The following PTGER3 variants were observed in gnomAD, a reference collection of about 807,000 sequenced individuals.
PTGER3 encodes prostaglandin E2 receptor EP3 subtype.
A neutral mutation model predicts 34.7 loss-of-function variants in PTGER3; 22 were observed. The observed-to-expected ratio is 0.63, with a 90% confidence interval of 0.45 to 0.91. The LOEUF is 0.91. Ranked by LOEUF, PTGER3 falls within the 40% of genes least tolerant of loss-of-function variation. The pLI is 0.00. For missense variants in PTGER3, 468 were observed against 519.4 expected (o/e 0.90, Z 0.96); for synonymous variants, 241 against 230.1 (o/e 1.05, Z -0.43).
intron 2 of PTGER3, among the ~76,000 whole-genome samples, chr1:70,961,138 T>G (rs1651890580): frequency 6.6e-6 from 1 of 152,154 alleles, no homozygotes; most frequent in South Asian, 2.1e-4. Context: ...ATGAGAAGAA[T>G]CACCTGGAAG....
chr1:71,030,920 AATAAG>A (rs1659356007), intron 1 of PTGER3, among the ~76,000 whole-genome samples: 1 of 152,134 alleles, frequency 6.6e-6, no homozygotes, highest in African/African-American at 2.4e-5. Context: ...TTTATAAACT[AATAAG>A]AGAGAAAAAC....
intron 1 of PTGER3, among the ~76,000 whole-genome samples, chr1:71,034,467 T>G (rs1659657785): frequency 6.6e-6 from 1 of 152,236 alleles, no homozygotes; most frequent in Non-Finnish European, 1.5e-5. Context: ...GGGCAGTCAT[T>G]TTATGTAAAT....
At chr1:70,994,630 G>A (rs1256859357) in intron 2 of PTGER3, among the ~76,000 whole-genome samples, 3 of 151,878 alleles carry the variant, frequency 2.0e-5, no homozygotes, top group Non-Finnish European at 4.4e-5. Context: ...GCTAATTTTT[G>A]TATTTTTAGT....
At chr1:70,905,778 A>C (rs555468606) in intron 4 of PTGER3, among the ~76,000 whole-genome samples, 152 of 152,240 alleles carry the variant, frequency 1.0e-3, no homozygotes, top group Non-Finnish European at 1.6e-3. Context: ...TTTTCAGTTA[A>C]TGCTGAAATG....
intron 2 of PTGER3, among the ~76,000 whole-genome samples, chr1:70,959,146 G>A (rs1399483380): frequency 1.3e-5 from 2 of 152,146 alleles, no homozygotes; most frequent in Non-Finnish European, 2.9e-5. Flanking sequence ...AATTGCTGTG[G>A]CTATCTGGGT....
chr1:71,011,861 G>T, intron 2 of PTGER3: 1 of 1,032,198 alleles, frequency 9.7e-7, no homozygotes, highest in South Asian at 3.9e-5. Context: ...CTTCAATGAT[G>T]TATGTGGTTA....
At chr1:70,864,634 C>T (rs1002703022) in intron 4 of PTGER3, among the ~76,000 whole-genome samples, 3 of 152,170 alleles carry the variant, frequency 2.0e-5, no homozygotes, top group Non-Finnish European at 4.4e-5. Flanking sequence ...ATGAACAAGA[C>T]ATAGTTCCCT....
chr1:71,000,241 T>C (rs570517791), intron 2 of PTGER3, among the ~76,000 whole-genome samples: 2 of 152,218 alleles, frequency 1.3e-5, no homozygotes, highest in Admixed American at 6.5e-5. Flanking sequence ...AACCCCAGCT[T>C]TATTTCTCAT....
At chr1:70,911,698 A>G (rs986801564) in intron 4 of PTGER3, among the ~76,000 whole-genome samples, 1 of 152,178 alleles carries the variant, frequency 6.6e-6, no homozygotes, top group Non-Finnish European at 1.5e-5. Context: ...AGCCAATTCT[A>G]TTAAAAGCTT....
At chr1:70,961,107 T>C (rs931679037) in intron 2 of PTGER3, among the ~76,000 whole-genome samples, 2 of 152,152 alleles carry the variant, frequency 1.3e-5, no homozygotes, top group Non-Finnish European at 2.9e-5. Flanking sequence ...CACTGGACTG[T>C]AACAATGTCA....
At chr1:70,994,420 T>C (rs72671026) in intron 2 of PTGER3, among the ~76,000 whole-genome samples, 10,847 of 152,100 alleles carry the variant, frequency 0.071, 514 homozygotes, top group Non-Finnish European at 0.11. Context: ...AAACATGTAG[T>C]GTATGCTGTA....
At position 70,971,558 on chromosome 1, in the gene PTGER3, A is replaced by G; in HGVS notation, c.*172T>C. 1.6e-6 allele frequency: 2 copies of G among 1,265,630 alleles called. No homozygotes were observed. Among genetic ancestry groups the G allele is most frequent in the South Asian group, 6.5e-5 (2 of 31,006 alleles). 78.4% of individuals were successfully genotyped at this position (1,265,630 alleles called of 1,614,324 possible). The stretch of plus-strand genomic sequence containing the variant: ...CTAATATTCAGAGGCATGGATTATA[A>G]TAATAAAGTTGATCTCCATGGGTAT... On this transcript the variant is annotated 3_prime_UTR_variant, in exon 4 of 4. Transcript: ENST00000306666.
At chr1:70,897,621 G>A (rs1646748982) in intron 4 of PTGER3, among the ~76,000 whole-genome samples, 2 of 152,084 alleles carry the variant, frequency 1.3e-5, no homozygotes, top group African/African-American at 2.4e-5. Context: ...CATAAGACAT[G>A]TCTCCCCTTC....
chr1:70,895,101 A>T (rs1367545102), intron 4 of PTGER3, among the ~76,000 whole-genome samples: 1 of 152,254 alleles, frequency 6.6e-6, no homozygotes, highest in African/African-American at 2.4e-5. Flanking sequence ...ACATCTCAAT[A>T]CTGAGTTCCC....
chr1:70,944,198 G>C (rs183726044), intron 4 of PTGER3, among the ~76,000 whole-genome samples: 3 of 151,986 alleles, frequency 2.0e-5, no homozygotes, highest in Admixed American at 6.6e-5. Flanking sequence ...AAGCTCATTA[G>C]GGTCAAGCCT....
chr1:70,879,280 T>G (rs1186810169), intron 4 of PTGER3, among the ~76,000 whole-genome samples: 2 of 145,420 alleles, frequency 1.4e-5, no homozygotes, highest in African/African-American at 5.1e-5. Flanking sequence ...AGAGTCTCAC[T>G]CTGTCACCCA....
chr1:70,956,071 T>C (rs1651299863), intron 2 of PTGER3, among the ~76,000 whole-genome samples: 1 of 152,172 alleles, frequency 6.6e-6, no homozygotes. Context: ...GTTAATTTTT[T>C]GTATAATTTT....
At chr1:70,924,056 A>T (rs182138030) in intron 4 of PTGER3, among the ~76,000 whole-genome samples, 219 of 152,254 alleles carry the variant, frequency 1.4e-3, no homozygotes, top group African/African-American at 4.9e-3. Flanking sequence ...GTAAGTAAAG[A>T]ACATCACAGG....
rs184043000 is a variant in PTGER3, at chr1:70,854,163, G to A, written c.*24-1304C>T. 1.2e-3 allele frequency among the ~76,000 whole-genome samples: 182 copies of A among 152,114 alleles called. 3 individuals are homozygous for A. Among genetic ancestry groups the A allele is most frequent in the Admixed American group, 0.011 (166 of 15,266 alleles). ...TAAAGCCTTTTGCACATGAAAGGAAGCAATCCTTAGAGTGAAAAATTAACC... is the reference window on the plus strand; with the variant it reads ...TAAAGCCTTTTGCACATGAAAGGAAACAATCCTTAGAGTGAAAAATTAACC... On this transcript the variant is annotated intron_variant, in intron 4 of 4. Coordinates refer to the PTGER3 transcript ENST00000370931.
Sources: gnomAD v4.1 joint callset for allele counts (sites outside exome capture counted in the v4.1 genomes callset) on GRCh38, gnomAD v4.1.1 for gene constraint, MANE v1.5 for transcripts, NCBI Gene and HGNC (gene_info 2026-07-23, HGNC 2026-07-21) for gene names.